The following ADAM7 variants were observed in gnomAD, a reference collection of about 807,000 sequenced individuals.
ADAM7 encodes the protein disintegrin and metalloproteinase domain-containing protein 7.
A neutral mutation model predicts 102.9 loss-of-function variants in ADAM7; 97 were observed. The observed-to-expected ratio is 0.94, with a 90% CI of 0.80 to 1.12. The LOEUF (loss-of-function observed/expected upper bound fraction) is 1.12, where lower values mean the gene tolerates loss of function less well. Among genes scored for constraint, ADAM7 ranks in the 50% most tolerant of loss-of-function variants. The pLI, the probability that ADAM7 is intolerant of heterozygous loss-of-function variation, is 0.00. For missense variants in ADAM7, 991 were observed against 908.7 expected (o/e 1.09, Z -1.16); for synonymous variants, 334 against 304.4 (o/e 1.10, Z -1.01).
chr8:24,454,753 C>T (rs947341456), intron 3 of ADAM7, among the ~76,000 whole-genome samples: 22 of 152,264 alleles, frequency 1.4e-4, no homozygotes, highest in East Asian at 9.7e-4. Context: ...GCATCGCTCA[C>T]GCTGGGAGCT....
At chr8:24,451,343 A>G (rs1818780888) in intron 3 of ADAM7, among the ~76,000 whole-genome samples, 1 of 152,204 alleles carries the variant, frequency 6.6e-6, no homozygotes, top group Admixed American at 6.5e-5. Context: ...TTATTGGTCT[A>G]TTCAGAGATT....
intron 11 of ADAM7, among the ~76,000 whole-genome samples, chr8:24,488,577 T>C (rs1820225093): frequency 6.6e-6 from 1 of 152,144 alleles, no homozygotes; most frequent in Non-Finnish European, 1.5e-5. Context: ...TGATCAAGAC[T>C]CTAAAGACCT....
At chr8:24,499,351 T>C (rs756987102) in intron 17 of ADAM7, 35 bp downstream of exon 17, 24 of 1,507,160 alleles carry the variant, frequency 1.6e-5, no homozygotes, top group Non-Finnish European at 2.1e-5. Flanking sequence ...TAATGTCTTA[T>C]CAGCCATATA....
rs1291730877 is a variant in ADAM7 at position 24,466,916 on chromosome 8, C to T, written c.507C>T (p.Ser169=). The T allele has an allele frequency of 6.2e-7, 1 of 1,613,838 alleles. No individual in the cohort carries two copies. Among genetic ancestry groups the T allele is most frequent in the Non-Finnish European group, 8.5e-7 (1 of 1,179,948 alleles). The change falls in exon 6 of 22, where the codon TCC becomes TCT. Residue 169 remains serine (S), a synonymous_variant. Transcript: ENST00000175238. ...GGGTGCCGTATGGTGCCAATTATTC[C>T]TGTACAGAGCTTAATTTTACCAGAA... ...NLRVPYGANY[S]CTELNFTRKT... is the part of the protein sequence containing the mutation.
At chr8:24,492,861 C>T (rs142411010) in intron 15 of ADAM7, among the ~76,000 whole-genome samples, 182 bp from the exon 16 acceptor site, 198 of 152,186 alleles carry the variant, frequency 1.3e-3, no homozygotes, top group African/African-American at 4.4e-3. Context: ...ACATTTTTTA[C>T]GGACTCATCT....
At chr8:24,495,445 G>A (rs750505876) in intron 16 of ADAM7, among the ~76,000 whole-genome samples, 15 of 151,874 alleles carry the variant, frequency 9.9e-5, no homozygotes, top group African/African-American at 1.7e-4. Flanking sequence ...CAGAAAAGAC[G>A]TATAAAATAT....
At position 24,499,329 on chromosome 8, in the gene ADAM7, T is replaced by C. The variant is rs760575893; in HGVS notation, c.1923+13T>C. 3 of 1,580,502 alleles carry C rather than the reference T, an allele frequency of 1.9e-6. No individual in the cohort carries two copies. The Admixed American group carries it at 5.3e-5, about 28-fold the overall frequency. ...CAATGAAAATCCTGTAAGATATGAC[T>C]GCTTTCAAAATTAATGTCTTATCAG... is the stretch of plus-strand genomic sequence containing the variant. On this transcript the variant is annotated intron_variant, in intron 17 of 21. Transcript: ENST00000175238.
At chr8:24,500,083 T>G (rs1172045087) in intron 17 of ADAM7, 95 bp from the exon 18 acceptor site, 4 of 1,041,338 alleles carry the variant, frequency 3.8e-6, no homozygotes, top group Non-Finnish European at 4.2e-6. Flanking sequence ...CTTGTGTGCA[T>G]GTATGTTTGA....
intron 9 of ADAM7, among the ~76,000 whole-genome samples, chr8:24,484,055 A>G (rs1820051374): frequency 6.6e-6 from 1 of 152,110 alleles, no homozygotes; most frequent in African/African-American, 2.4e-5. Context: ...TGGCATTATC[A>G]TGTGTTACTT....
intron 7 of ADAM7, among the ~76,000 whole-genome samples, chr8:24,471,579 AG>A (rs1267232186): frequency 1.3e-5 from 2 of 152,020 alleles, no homozygotes; most frequent in Non-Finnish European, 2.9e-5. Flanking sequence ...CATGCTCTAC[AG>A]GTTTGCAGCC....
In ADAM7 at chr8:24,508,810, AT is replaced by A. The variant is rs775304583; in HGVS notation, c.*266del. 2 of 1,243,220 alleles carry A rather than the reference AT, an allele frequency of 1.6e-6. No individual in the cohort carries two copies. Among genetic ancestry groups the A allele is most frequent in the Non-Finnish European group, 2.0e-6 (2 of 993,284 alleles). 77.0% of individuals were successfully genotyped at this position (1,243,220 alleles called of 1,614,324 possible). A position where few individuals can be genotyped will look rare whatever the true frequency, so the allele number is the denominator to read the frequency against. On this transcript the variant is annotated 3_prime_UTR_variant, in exon 22 of 22. Transcript: ENST00000175238. Reference sequence around the variant, plus strand: ...AAATGCTCTTTAGCACAATATAAAAATTCGTAACCTTGCTGTAGTATTTTCC... The same window carrying A: ...AAATGCTCTTTAGCACAATATAAAAATCGTAACCTTGCTGTAGTATTTTCC...
chr8:24,492,641 C>A, intron 15 of ADAM7, 44 bp downstream of exon 15: 1 of 1,446,454 alleles, frequency 6.9e-7, no homozygotes, highest in Non-Finnish European at 9.7e-7. Context: ...TCTTACAGCA[C>A]TTTGTCAAAA....
At chr8:24,485,930 G>A (rs964913917) in intron 10 of ADAM7, among the ~76,000 whole-genome samples, 1 of 152,004 alleles carries the variant, frequency 6.6e-6, no homozygotes, top group East Asian at 1.9e-4. Flanking sequence ...TTTATGTCGC[G>A]CCTAATTGTT....
chr8:24,481,690 C>T (rs1228544559), intron 8 of ADAM7, among the ~76,000 whole-genome samples: 1 of 152,118 alleles, frequency 6.6e-6, no homozygotes, highest in African/African-American at 2.4e-5. Context: ...ACATAAAGAT[C>T]AAACACAGCA....
At position 24,450,043 on chromosome 8, in the gene ADAM7, G is replaced by T. The variant is rs558741957; in HGVS notation, c.233+2781G>T. 1.1e-3 allele frequency among the ~76,000 whole-genome samples: 163 copies of T among 152,256 alleles called. 2 individuals are homozygous for T. Among genetic ancestry groups the T allele is most frequent in the African/African-American group, 3.8e-3 (156 of 41,544 alleles). ...TTGGTATGAGTACCATGCTGTTTTG[G>T]TTACTGTAGCCTTGTAGTGTAGTTT... On this transcript the variant is annotated intron_variant, in intron 3 of 21. Coordinates refer to ENST00000175238, the MANE Select transcript of ADAM7 (RefSeq NM_003817.4).
chr8:24,463,963 A>T lies in ADAM7; in HGVS notation c.312+3A>T. On this transcript the variant is annotated splice_donor_region_variant and intron_variant, in intron 4 of 21. Transcript: ENST00000175238. Reference sequence around the variant, plus strand: ...TCACCAGGCATCCTCAGATCATGGTATCTTATGGAACTTTACTGTGTCTCT... The same window carrying T: ...TCACCAGGCATCCTCAGATCATGGTTTCTTATGGAACTTTACTGTGTCTCT... The T allele has an allele frequency of 1.2e-6, 2 of 1,608,012 alleles. No homozygotes were observed. Among genetic ancestry groups the T allele is most frequent in the Non-Finnish European group, 1.7e-6 (2 of 1,174,670 alleles).
At chr8:24,476,555 A>C in intron 8 of ADAM7, 51 bp downstream of exon 8, 1 of 1,440,072 alleles carries the variant, frequency 6.9e-7, no homozygotes, top group Non-Finnish European at 9.7e-7. Context: ...AATGCAAAGA[A>C]CCTTTCAGCG....
intron 21 of ADAM7, 75 bp downstream of exon 21, chr8:24,507,610 C>A: frequency 7.8e-7 from 1 of 1,279,354 alleles, no homozygotes; most frequent in Non-Finnish European, 1.1e-6. Flanking sequence ...TCTTTACCAA[C>A]TCATTGATTT....
At position 24,441,173 on chromosome 8, in the gene ADAM7, C is replaced by T. The variant is rs1446614976; in HGVS notation, c.52+13C>T. On this transcript the variant is annotated intron_variant, in intron 1 of 21. Coordinates refer to ENST00000175238, the MANE Select transcript of ADAM7 (RefSeq NM_003817.4). ...CCTCAGGTTAAAGGTATGTCTTGCTCTTTTTATCAGGACTTTCTTATTATG... is the reference window on the plus strand; with the variant it reads ...CCTCAGGTTAAAGGTATGTCTTGCTTTTTTTATCAGGACTTTCTTATTATG... 1.2e-6 allele frequency: 2 copies of T among 1,606,142 alleles called. No individual in the cohort carries two copies. The highest frequency in any genetic ancestry group is 1.7e-5 in the Admixed American group (1 of 59,980).
Sources: gnomAD v4.1 joint callset for allele counts (sites outside exome capture counted in the v4.1 genomes callset) on GRCh38, gnomAD v4.1.1 for gene constraint, MANE v1.5 for transcripts, NCBI Gene and HGNC (gene_info 2026-07-23, HGNC 2026-07-21) for gene names.